ABCA5: variants seen among roughly 807,000 people sequenced by gnomAD.
The protein encoded by ABCA5 is ATP binding cassette subfamily A member 5, also known as cholesterol transporter ABCA5.
ABCA5 carries 163 observed loss-of-function variants against 206.0 expected under a neutral mutation model. The ratio of observed to expected loss-of-function variants is 0.79; its 90% CI spans 0.70 to 0.90. The LOEUF (loss-of-function observed/expected upper bound fraction) is 0.90, where lower values mean the gene tolerates loss of function less well. ABCA5 is among the 40% of genes least tolerant of loss of function. The probability of loss-of-function intolerance (pLI) is 0.00; values close to 1 mark genes in which losing one functional copy is unlikely to be tolerated. For missense variants in ABCA5, 1,859 were observed against 1,912.9 expected (o/e 0.97, Z 0.53); for synonymous variants, 609 against 613.8 (o/e 0.99, Z 0.11).
rs1195326436 is a variant in ABCA5 at position 69,258,325 on chromosome 17, G to T, written c.3731+1381C>A. ...GAAAATATGGTACATATACACCATG[G>T]AATACTCCACAGCCATAAATAGAAT... On this transcript the variant is annotated intron_variant, in intron 28 of 38. Coordinates refer to ENST00000392676, the MANE Select transcript of ABCA5 (RefSeq NM_172232.4). Among the ~76,000 whole-genome samples the T allele has an allele frequency of 2.6e-5, 4 of 152,208 alleles. No individual in the cohort carries two copies. The East Asian group carries it at 7.7e-4, about 29-fold the overall frequency.
intron 17 of ABCA5, among the ~76,000 whole-genome samples, chr17:69,284,434 T>C (rs2075429377): frequency 6.6e-6 from 1 of 152,038 alleles, no homozygotes; most frequent in South Asian, 2.1e-4. Context: ...ATTATATCTA[T>C]ATCATATTAT....
In ABCA5 at chr17:69,256,160, C is replaced by T. The variant is rs781544412; in HGVS notation, c.3855G>A (p.Glu1285=). Residue 1285 remains glutamate (E), a synonymous_variant, in exon 29 of 39, where the codon GAG becomes GAA. Coordinates refer to ENST00000392676, the MANE Select transcript of ABCA5 (RefSeq NM_172232.4). ...TTAGCCATAAAGAATAAATTACCTC[C>T]TCACAACACTGGCAACCCATCAGCT... ...VKELMGCQCC[E]EKPSIMVSNL... is the part of the protein sequence containing the mutation. The T allele has an allele frequency of 5.6e-6, 9 of 1,597,168 alleles. No individual in the cohort carries two copies. Among genetic ancestry groups the T allele is most frequent in the Non-Finnish European group, 6.8e-6 (8 of 1,173,662 alleles).
chr17:69,322,083 T>TTAC, intron 1 of ABCA5, among the ~76,000 whole-genome samples: 1 of 152,120 alleles, frequency 6.6e-6, no homozygotes, highest in Admixed American at 6.5e-5. Flanking sequence ...AAAGTACTGG[T>TTAC]TACTACGGCC....
intron 9 of ABCA5, 69 bp from the exon 10 acceptor site, chr17:69,297,428 A>G (rs113550772): frequency 7.0e-7 from 1 of 1,422,472 alleles, no homozygotes; most frequent in Non-Finnish European, 9.5e-7. Flanking sequence ...AGCATTTCAA[A>G]CATATGACAA....
At chr17:69,256,365 A>C in intron 28 of ABCA5, 82 bp from the exon 29 acceptor site, 2 of 864,036 alleles carry the variant, frequency 2.3e-6, no homozygotes, top group Non-Finnish European at 3.2e-6. Flanking sequence ...AGGTAGAGAA[A>C]AGACTGAAAA....
chr17:69,249,928 T>C lies in ABCA5; in HGVS notation c.4742A>G (p.Gln1581Arg), dbSNP rs372775808. 3 of 1,546,610 alleles carry C rather than the reference T, an allele frequency of 1.9e-6. No homozygotes were observed. The highest frequency in any genetic ancestry group is 2.6e-6 in the Non-Finnish European group (3 of 1,149,964). The change falls in exon 37 of 39, where the codon CAA becomes CGA. Residue 1581 changes from glutamine to arginine, a missense_variant. Gln to Arg is a conservative substitution (Grantham distance 43). Transcript: ENST00000392676. ...IPKEDVQSLS[Q>R]SFFKLEEAKH... ...ACCTTCTTCCAGCTTAAAAAAAGAT[T>C]GTGAAAGGGACTGAACATCTTCCTT...
At chr17:69,248,198 A>G in intron 38 of ABCA5, 64 bp downstream of exon 38, 1 of 1,012,904 alleles carries the variant, frequency 9.9e-7, no homozygotes, top group Non-Finnish European at 1.5e-6. Context: ...AATATAAACC[A>G]AAACAATCGA....
At position 69,261,545 on chromosome 17, in the gene ABCA5, AAG is replaced by A. The variant is rs562112119; in HGVS notation, c.3429+88_3429+89del. ...ACCTATCTAAATTATTCACTTACAA[AAG>A]ACATGTAACATTTTTAGTATAATCA... is the stretch of plus-strand genomic sequence containing the variant. On this transcript the variant is annotated intron_variant, in intron 25 of 38. Coordinates refer to ENST00000392676, the MANE Select transcript of ABCA5 (RefSeq NM_172232.4). The A allele has an allele frequency of 4.0e-4, 269 of 668,596 alleles. No individual in the cohort carries two copies. The African/African-American group carries it at 5.0e-3, about 12-fold the overall frequency. 41.4% of individuals were successfully genotyped at this position (668,596 alleles called of 1,614,324 possible). A position where few individuals can be genotyped will look rare whatever the true frequency, so the allele number is the denominator to read the frequency against.
chr17:69,302,650 G>A lies in ABCA5; in HGVS notation c.1119+68C>T, dbSNP rs113423757. On this transcript the variant is annotated intron_variant, in intron 8 of 38. Transcript: ENST00000392676. The stretch of plus-strand genomic sequence containing the variant: ...TGGTAAATCAAAGGTAGTATTCATG[G>A]TAGTATAAGAAGCTACATAAAACAG... The A allele has an allele frequency of 6.3e-6, 7 of 1,116,930 alleles. No individual in the cohort carries two copies. In the African/African-American group the frequency reaches 8.1e-5, roughly 13 times the overall value. 69.2% of individuals were successfully genotyped at this position (1,116,930 alleles called of 1,614,324 possible). A position where few individuals can be genotyped will look rare whatever the true frequency, so the allele number is the denominator to read the frequency against.
At chr17:69,283,272 C>CT (rs1419559254) in intron 18 of ABCA5, among the ~76,000 whole-genome samples, 7 of 152,322 alleles carry the variant, frequency 4.6e-5, no homozygotes, top group African/African-American at 1.4e-4. Flanking sequence ...GCATGAACCA[C>CT]TGCGCCCGGC....
intron 15 of ABCA5, among the ~76,000 whole-genome samples, chr17:69,286,537 A>G (rs1190326079): frequency 6.6e-6 from 1 of 152,200 alleles, no homozygotes; most frequent in Non-Finnish European, 1.5e-5. Flanking sequence ...ACAGCTATTA[A>G]GTAACAAAGC....
intron 18 of ABCA5, among the ~76,000 whole-genome samples, chr17:69,279,666 T>C (rs1311761753): frequency 5.3e-5 from 8 of 151,612 alleles, no homozygotes; most frequent in South Asian, 2.1e-4. Context: ...AACAGCATGG[T>C]ACTGGTACCA....
At chr17:69,270,546 T>A in intron 22 of ABCA5, 67 bp downstream of exon 22, 1 of 1,378,248 alleles carries the variant, frequency 7.3e-7, no homozygotes, top group Non-Finnish European at 9.7e-7. Context: ...TATTTTTGCT[T>A]AGTTTTTAAT....
intron 18 of ABCA5, among the ~76,000 whole-genome samples, chr17:69,282,658 G>C (rs1223591917): frequency 2.7e-5 from 4 of 150,768 alleles, no homozygotes; most frequent in African/African-American, 9.8e-5. Flanking sequence ...AATCCCAGCT[G>C]TTTGGGAGGC....
intron 1 of ABCA5, among the ~76,000 whole-genome samples, chr17:69,321,865 C>T (rs909320636): frequency 6.6e-5 from 10 of 152,084 alleles, no homozygotes; most frequent in Admixed American, 3.3e-4. Flanking sequence ...GTTTTAAACA[C>T]CTAACATCTC....
Position 69,302,889 on chromosome 17 carries a change from C to G in ABCA5, c.948G>C (p.Met316Ile). ...YGLSSVFFAL[M>I]LTPLFKKSKH... ...TTGATTTTTTAAAAAGAGGTGTCAG[C>G]ATTAAAGCAAAAAATACCTATAAAA... Residue 316 changes from methionine to isoleucine, a missense_variant, in exon 8 of 39, where the codon ATG becomes ATC. Met to Ile is a conservative substitution (Grantham distance 10). Coordinates refer to ENST00000392676, the MANE Select transcript of ABCA5 (RefSeq NM_172232.4). 1 of 1,526,694 alleles carries G rather than the reference C, an allele frequency of 6.6e-7. No homozygotes were observed. Among genetic ancestry groups the G allele is most frequent in the Non-Finnish European group, 8.8e-7 (1 of 1,138,550 alleles). The allele number at this position is 1,526,694 out of a possible 1,614,324, so 94.6% of individuals were successfully genotyped here.
At chr17:69,297,805 T>C (rs1437574923) in intron 9 of ABCA5, among the ~76,000 whole-genome samples, 1 of 152,086 alleles carries the variant, frequency 6.6e-6, no homozygotes, top group African/African-American at 2.4e-5. Context: ...AGGTAGTAAC[T>C]AGAAAAGTGG....
chr17:69,321,754 G>C, intron 1 of ABCA5, among the ~76,000 whole-genome samples: 1 of 151,684 alleles, frequency 6.6e-6, no homozygotes, highest in Admixed American at 6.6e-5. Context: ...AGAGAAATAC[G>C]GGTTCAAAAT....
chr17:69,303,352 A>AAGCAATCTTCTTGCCTTGCCTCC (rs1415071683), intron 7 of ABCA5, among the ~76,000 whole-genome samples: 1 of 151,956 alleles, frequency 6.6e-6, no homozygotes, highest in East Asian at 1.9e-4. Context: ...TCCTTGCCTC[A>AAGCAATCTTCTTGCCTTGCCTCC]AGCAATCTTC....
Sources: allele counts gnomAD v4.1 joint callset (sites outside exome capture counted in the v4.1 genomes callset), GRCh38; gene constraint gnomAD v4.1.1; transcripts MANE v1.5; gene names NCBI Gene and HGNC (gene_info 2026-07-23, HGNC 2026-07-21).